The following POP7 variants were observed in gnomAD, a reference collection of about 807,000 sequenced individuals.
POP7 encodes ribonuclease P protein subunit p20.
POP7 carries 5 observed loss-of-function variants against 7.5 expected under a neutral mutation model. That is an observed-to-expected ratio of 0.66 (90% CI 0.35 to 1.40). The LOEUF (loss-of-function observed/expected upper bound fraction) is 1.40. POP7 is among the 40% of genes most tolerant of loss of function. The probability of loss-of-function intolerance (pLI) is 0.04; values close to 1 mark genes in which losing one functional copy is unlikely to be tolerated. For missense variants in POP7, 170 were observed against 189.1 expected (o/e 0.90, Z 0.59); for synonymous variants, 85 against 81.6 (o/e 1.04, Z -0.23).
Position 100,706,807 on chromosome 7 carries a change from C to A in POP7, c.-10-14C>A, listed in dbSNP as rs1477485532. ...CCCTCTGAGCCCTCTGATCGCGTCC[C>A]TTTCCCACGCCAGGGCACACAGCAT... On this transcript the variant is annotated splice_polypyrimidine_tract_variant and intron_variant, in intron 1 of 1. Coordinates refer to ENST00000303151, the MANE Select transcript of POP7 (RefSeq NM_005837.3). 6.2e-7 allele frequency: 1 copy of A among 1,605,926 alleles called. No homozygotes were observed. The highest frequency in any genetic ancestry group is 8.5e-7 in the Non-Finnish European group (1 of 1,174,924).
rs944756428 is a variant in POP7, at chr7:100,706,139, G to C, written c.-176G>C. Reference sequence around the variant, plus strand: ...CGTGCGCACTCCGCAGCCCGTTCAGGACCCCGGCGCGGGCAGGGCGCCCAC... The same window carrying C: ...CGTGCGCACTCCGCAGCCCGTTCAGCACCCCGGCGCGGGCAGGGCGCCCAC... On this transcript the variant is annotated 5_prime_UTR_variant, in exon 1 of 2. Coordinates refer to ENST00000303151, the MANE Select transcript of POP7 (RefSeq NM_005837.3). 1.3e-5 allele frequency: 2 copies of C among 152,676 alleles called. No homozygotes were observed. The highest frequency in any genetic ancestry group is 4.8e-5 in the African/African-American group (2 of 41,474). 9.5% of individuals were successfully genotyped at this position (152,676 alleles called of 1,614,324 possible). A position where few individuals can be genotyped will look rare whatever the true frequency, so the allele number is the denominator to read the frequency against.
chr7:100,706,772 G>C (rs1190123586), intron 1 of POP7, 49 bp from the exon 2 acceptor site: 6 of 1,562,166 alleles, frequency 3.8e-6, no homozygotes, highest in East Asian at 2.2e-5. Context: ...GGTAGGAAAG[G>C]CTTCGAGGTC....
At position 100,707,238 on chromosome 7, in the gene POP7, G is replaced by C; in HGVS notation, c.408G>C (p.Arg136Ser). ...CAGCCATCCACATCCGAGTCTTCAG[G>C]GTCACACCCAAGTAATTGAAAAGAC... The part of the protein sequence containing the change: ...NNSAIHIRVF[R>S]VTPK The change falls in exon 2 of 2, where the codon AGG (arginine) becomes AGC (serine). Residue 136 changes from arginine (R) to serine (S), a missense_variant. By Grantham distance (110) the Arg-to-Ser change is moderately radical. Transcript: ENST00000303151. 1 of 1,612,962 alleles carries C rather than the reference G, an allele frequency of 6.2e-7. No homozygotes were observed. Among genetic ancestry groups the C allele is most frequent in the Non-Finnish European group, 8.5e-7 (1 of 1,178,940 alleles).
rs1302622264 is a variant in POP7 at position 100,707,046 on chromosome 7, C to T, written c.216C>T (p.His72=). ...GQNACSEIYI[H]GLGLAINRAI... ...ACGCGTGCTCTGAGATCTACATTCA[C>T]GGCTTGGGCCTGGCCATCAACCGCG... Residue 72 remains histidine (H), a synonymous_variant, in exon 2 of 2, where the codon CAC becomes CAT. Coordinates refer to ENST00000303151, the MANE Select transcript of POP7 (RefSeq NM_005837.3). 5.0e-6 allele frequency: 8 copies of T among 1,614,092 alleles called. No individual in the cohort carries two copies. Among genetic ancestry groups the T allele is most frequent in the South Asian group, 1.1e-5 (1 of 91,092 alleles).
chr7:100,707,082 C>A lies in POP7; in HGVS notation c.252C>A (p.Ile84=), dbSNP rs1459761847. 1.2e-6 allele frequency: 2 copies of A among 1,613,990 alleles called. No homozygotes were observed. The highest frequency in any genetic ancestry group is 1.3e-5 in the African/African-American group (1 of 74,930). The change falls in exon 2 of 2, where the codon ATC becomes ATA. Residue 84 remains isoleucine, a synonymous_variant. Coordinates refer to ENST00000303151, the MANE Select transcript of POP7 (RefSeq NM_005837.3). The part of the protein sequence containing the change: ...LGLAINRAIN[I]ALQLQAGSFG... ...TGGCCATCAACCGCGCCATCAACAT[C>A]GCGCTGCAGCTGCAGGCGGGCAGCT...
chr7:100,706,941 T>G lies in POP7; in HGVS notation c.111T>G (p.Ile37Met). The change falls in exon 2 of 2, where the codon ATT becomes ATG. Residue 37 changes from isoleucine to methionine, a missense_variant. Transcript: ENST00000303151. ...PSRLPRRPND[I>M]YVNMKTDFKA... ...GCCTGCCCCGGAGACCCAATGACAT[T>G]TATGTCAACATGAAGACGGACTTTA... 1 of 1,613,994 alleles carries G rather than the reference T, an allele frequency of 6.2e-7. No homozygotes were observed. The highest frequency in any genetic ancestry group is 1.1e-5 in the South Asian group (1 of 91,078).
intron 1 of POP7, chr7:100,706,528 A>G (rs1028108524): frequency 2.4e-5 from 10 of 422,270 alleles, no homozygotes; most frequent in African/African-American, 2.0e-4. Flanking sequence ...GCTAGAGTGC[A>G]GTGGCGGGCG....
Position 100,706,167 on chromosome 7 carries a change from G to C in POP7, c.-148G>C, listed in dbSNP as rs1373867690. 4 of 152,714 alleles carry C rather than the reference G, an allele frequency of 2.6e-5. No individual in the cohort carries two copies. Among genetic ancestry groups the C allele is most frequent in the Admixed American group, 1.3e-4 (2 of 15,312 alleles). 9.5% of individuals were successfully genotyped at this position (152,714 alleles called of 1,614,324 possible). ...CCCGGCGCGGGCAGGGCGCCCACGA[G>C]CTGGCTGGCTGCTTGCACCCACATC... On this transcript the variant is annotated 5_prime_UTR_variant, in exon 1 of 2. Coordinates refer to ENST00000303151, the MANE Select transcript of POP7 (RefSeq NM_005837.3).
In POP7 at chr7:100,706,965, T is replaced by C; in HGVS notation, c.135T>C (p.Phe45=). Residue 45 remains phenylalanine (F), a synonymous_variant, in exon 2 of 2, where the codon TTT becomes TTC. Coordinates refer to ENST00000303151, the MANE Select transcript of POP7 (RefSeq NM_005837.3). ...TTTATGTCAACATGAAGACGGACTT[T>C]AAGGCCCAGCTGGCCCGCTGCCAGA... is the stretch of plus-strand genomic sequence containing the variant. ...NDIYVNMKTD[F]KAQLARCQKL... is the part of the protein sequence containing the mutation. 2 of 1,614,068 alleles carry C rather than the reference T, an allele frequency of 1.2e-6. No homozygotes were observed. The highest frequency in any genetic ancestry group is 1.7e-6 in the Non-Finnish European group (2 of 1,180,040).
At position 100,707,289 on chromosome 7, in the gene POP7, T is replaced by TA. The variant is rs749693645; in HGVS notation, c.*37dup. Reference sequence around the variant, plus strand: ...ACTCCTCCACTTATCCCCTCCGTGATATGGCTCTTCGCATGCTGAGTACTG... The same window carrying TA: ...ACTCCTCCACTTATCCCCTCCGTGATAATGGCTCTTCGCATGCTGAGTACTG... On this transcript the variant is annotated 3_prime_UTR_variant, in exon 2 of 2. Coordinates refer to ENST00000303151, the MANE Select transcript of POP7 (RefSeq NM_005837.3). 3 of 1,589,956 alleles carry TA rather than the reference T, an allele frequency of 1.9e-6. No individual in the cohort carries two copies. Among genetic ancestry groups the TA allele is most frequent in the Non-Finnish European group, 2.6e-6 (3 of 1,165,202 alleles).
Position 100,706,959 on chromosome 7 carries a change from G to A in POP7, c.129G>A (p.Thr43=), listed in dbSNP as rs779406811. The A allele has an allele frequency of 8.1e-6, 13 of 1,613,976 alleles. No homozygotes were observed. Among genetic ancestry groups the A allele is most frequent in the South Asian group, 2.2e-5 (2 of 91,092 alleles). ...RPNDIYVNMK[T]DFKAQLARCQ... ...ATGACATTTATGTCAACATGAAGAC[G>A]GACTTTAAGGCCCAGCTGGCCCGCT... Residue 43 remains threonine (T), a synonymous_variant, in exon 2 of 2, where the codon ACG becomes ACA. Coordinates refer to ENST00000303151, the MANE Select transcript of POP7 (RefSeq NM_005837.3).
At position 100,707,010 on chromosome 7, in the gene POP7, CCG is replaced by C; in HGVS notation, c.181_182del (p.Arg61GlyfsTer7). ...RCQKLLDGGA[R>X]GQNACSEIYI... Reference sequence around the variant, plus strand: ...GCCAGAAGCTGCTGGACGGAGGGGCCCGGGGTCAGAACGCGTGCTCTGAGATC... The same window carrying C: ...GCCAGAAGCTGCTGGACGGAGGGGCCGGGTCAGAACGCGTGCTCTGAGATC... On this transcript the variant is annotated frameshift_variant, in exon 2 of 2. Coordinates refer to ENST00000303151, the MANE Select transcript of POP7 (RefSeq NM_005837.3). LOFTEE classifies it high-confidence loss of function. 6.2e-7 allele frequency: 1 copy of C among 1,613,812 alleles called. No individual in the cohort carries two copies. The highest frequency in any genetic ancestry group is 2.2e-5 in the East Asian group (1 of 44,868).
rs755858590 is a variant in POP7, at chr7:100,707,024, C to A, written c.194C>A (p.Ala65Glu). Reference sequence around the variant, plus strand: ...GACGGAGGGGCCCGGGGTCAGAACGCGTGCTCTGAGATCTACATTCACGGC... The same window carrying A: ...GACGGAGGGGCCCGGGGTCAGAACGAGTGCTCTGAGATCTACATTCACGGC... ...LLDGGARGQN[A>E]CSEIYIHGLG... The change falls in exon 2 of 2, where the codon GCG (alanine) becomes GAG (glutamate). Residue 65 changes from alanine to glutamate, a missense_variant. Physicochemically the swap from Ala to Glu is moderately radical, Grantham distance 107. Coordinates refer to ENST00000303151, the MANE Select transcript of POP7 (RefSeq NM_005837.3). 11 of 1,614,046 alleles carry A rather than the reference C, an allele frequency of 6.8e-6. No homozygotes were observed. In the African/African-American group the frequency reaches 1.1e-4, roughly 16 times the overall value.
At position 100,707,287 on chromosome 7, in the gene POP7, G is replaced by C. The variant is rs1212650127; in HGVS notation, c.*34G>C. On this transcript the variant is annotated 3_prime_UTR_variant, in exon 2 of 2. Transcript: ENST00000303151. ...ACACTCCTCCACTTATCCCCTCCGT[G>C]ATATGGCTCTTCGCATGCTGAGTAC... is the stretch of plus-strand genomic sequence containing the variant. The C allele has an allele frequency of 6.9e-6, 11 of 1,592,552 alleles. No homozygotes were observed. The highest frequency in any genetic ancestry group is 9.4e-6 in the Non-Finnish European group (11 of 1,166,534).
At chr7:100,706,792 C>A in intron 1 of POP7, 29 bp from the exon 2 acceptor site, 1 of 1,597,834 alleles carries the variant, frequency 6.3e-7, no homozygotes, top group South Asian at 1.1e-5. Context: ...CCCTCTGAGC[C>A]CTCTGATCGC....
Position 100,706,985 on chromosome 7 carries a change from G to A in POP7, c.155G>A (p.Cys52Tyr), listed in dbSNP as rs1288906320. Residue 52 changes from cysteine (C) to tyrosine (Y), a missense_variant, in exon 2 of 2, where the codon TGC becomes TAC. By Grantham distance (194) the Cys-to-Tyr change is radical. Coordinates refer to ENST00000303151, the MANE Select transcript of POP7 (RefSeq NM_005837.3). ...GACTTTAAGGCCCAGCTGGCCCGCT[G>A]CCAGAAGCTGCTGGACGGAGGGGCC... is the stretch of plus-strand genomic sequence containing the variant. ...KTDFKAQLAR[C>Y]QKLLDGGARG... is the part of the protein sequence containing the mutation. The A allele has an allele frequency of 2.5e-6, 4 of 1,614,020 alleles. No individual in the cohort carries two copies. The highest frequency in any genetic ancestry group is 2.7e-5 in the African/African-American group (2 of 74,958).
At position 100,707,008 on chromosome 7, in the gene POP7, GC is replaced by G. The variant is rs1231326661; in HGVS notation, c.181del (p.Arg61GlyfsTer61). On this transcript the variant is annotated frameshift_variant, in exon 2 of 2. Transcript: ENST00000303151. LOFTEE classifies it high-confidence loss of function. Reference protein sequence around the residue: ...ARCQKLLDGGARGQNACSEIY... With the variant: ...ARCQKLLDGGXRGQNACSEIY... ...CTGCCAGAAGCTGCTGGACGGAGGG[GC>G]CCGGGGTCAGAACGCGTGCTCTGAG... 6.2e-7 allele frequency: 1 copy of G among 1,613,970 alleles called. No individual in the cohort carries two copies. Among genetic ancestry groups the G allele is most frequent in the South Asian group, 1.1e-5 (1 of 91,080 alleles).
chr7:100,707,410 A>G lies in POP7; in HGVS notation c.*157A>G, dbSNP rs1584526313. On this transcript the variant is annotated 3_prime_UTR_variant, in exon 2 of 2. Transcript: ENST00000303151. ...GGGGTAATTGTCTCTTGGTGGGCCC[A>G]GTTAGTGGGCCTTCCTGAGTGTGTG... 5 of 835,616 alleles carry G rather than the reference A, an allele frequency of 6.0e-6. No homozygotes were observed. In the East Asian group the frequency reaches 1.3e-4, roughly 22 times the overall value. 51.8% of individuals were successfully genotyped at this position (835,616 alleles called of 1,614,324 possible). A position where few individuals can be genotyped will look rare whatever the true frequency, so the allele number is the denominator to read the frequency against.
At position 100,707,100 on chromosome 7, in the gene POP7, G is replaced by C. The variant is rs1422538025; in HGVS notation, c.270G>C (p.Ala90=). Residue 90 remains alanine (A), a synonymous_variant, in exon 2 of 2, where the codon GCG becomes GCC. Coordinates refer to ENST00000303151, the MANE Select transcript of POP7 (RefSeq NM_005837.3). ...TCAACATCGCGCTGCAGCTGCAGGC[G>C]GGCAGCTTCGGGTCCTTGCAGGTGG... The part of the protein sequence containing the change: ...RAINIALQLQ[A]GSFGSLQVAA... The C allele has an allele frequency of 6.2e-7, 1 of 1,613,956 alleles. No homozygotes were observed. Among genetic ancestry groups the C allele is most frequent in the African/African-American group, 1.3e-5 (1 of 74,936 alleles).
Sources: allele counts gnomAD v4.1 joint callset, GRCh38; gene constraint gnomAD v4.1.1; transcripts MANE v1.5; gene names NCBI Gene and HGNC (gene_info 2026-07-23, HGNC 2026-07-21).